STOX1: variants seen among roughly 807,000 people sequenced by gnomAD.
The protein encoded by STOX1 is storkhead box 1.
In STOX1, 57 loss-of-function variants were observed where a neutral mutation model predicts 74.8. The observed-to-expected ratio is 0.76, with a 90% CI of 0.62 to 0.95. The LOEUF is 0.95. Ranked by LOEUF, STOX1 falls within the 40% of genes least tolerant of loss-of-function variation. The pLI is 0.00. For missense variants in STOX1, 1,010 were observed against 1,117.0 expected (o/e 0.90, Z 1.37); for synonymous variants, 375 against 401.3 (o/e 0.93, Z 0.78).
At chr10:68,889,582 G>A (rs1165602534) in intron 3 of STOX1, among the ~76,000 whole-genome samples, 2 of 152,074 alleles carry the variant, frequency 1.3e-5, no homozygotes, top group Admixed American at 1.3e-4. Context: ...TTTGTTTTTT[G>A]AGATGTAGTC....
intron 1 of STOX1, among the ~76,000 whole-genome samples, chr10:68,845,769 T>C (rs1839827348): frequency 6.6e-6 from 1 of 151,362 alleles, no homozygotes; most frequent in South Asian, 2.1e-4. Context: ...GCCTGGCTAA[T>C]TTTTGTATTT....
At chr10:68,834,947 C>T (rs894297071) in intron 1 of STOX1, among the ~76,000 whole-genome samples, 6 of 152,054 alleles carry the variant, frequency 3.9e-5, no homozygotes, top group East Asian at 3.8e-4. Flanking sequence ...TGGTCTCAGA[C>T]TCAAAACCTG....
intron 1 of STOX1, among the ~76,000 whole-genome samples, chr10:68,875,237 G>A (rs544183037): frequency 6.6e-6 from 1 of 152,324 alleles, no homozygotes; most frequent in African/African-American, 2.4e-5. Flanking sequence ...TCACTGGGTA[G>A]GCCCATGTGC....
rs192252945 is a variant in STOX1 at position 68,856,939 on chromosome 10, G to A, written c.311-25019G>A. On this transcript the variant is annotated intron_variant, in intron 1 of 3. Coordinates refer to ENST00000298596, the MANE Select transcript of STOX1 (RefSeq NM_152709.5). ...ATTTTCCAGTCCTTTCAGTAGGTCT[G>A]TGCTGGTTCCCATAGATATTGCTCC... 1.1e-4 allele frequency among the ~76,000 whole-genome samples: 17 copies of A among 152,224 alleles called. No individual in the cohort carries two copies. In the East Asian group the frequency reaches 2.9e-3, roughly 26 times the overall value.
downstream of STOX1, chr10:68,893,154 G>A (rs1841135816): frequency 5.2e-6 from 1 of 190,522 alleles, no homozygotes; most frequent in African/African-American, 2.4e-5. Flanking sequence ...AGAAAACAGT[G>A]TGTGTTGAAG....
At chr10:68,891,830 T>TG (rs938327899) in intron 3 of STOX1, among the ~76,000 whole-genome samples, 12 of 151,580 alleles carry the variant, frequency 7.9e-5, no homozygotes, top group Admixed American at 5.2e-4. Flanking sequence ...AATACTTTTT[T>TG]TGTGTGTGTG....
chr10:68,841,910 C>T (rs1839700510), intron 1 of STOX1, among the ~76,000 whole-genome samples: 1 of 152,136 alleles, frequency 6.6e-6, no homozygotes, highest in Non-Finnish European at 1.5e-5. Context: ...TCCCATGAGC[C>T]CAGGGCCCAC....
At chr10:68,890,916 T>G (rs184587848) in intron 3 of STOX1, among the ~76,000 whole-genome samples, 132 of 152,282 alleles carry the variant, frequency 8.7e-4, no homozygotes, top group African/African-American at 2.8e-3. Flanking sequence ...CCTCCCAAAG[T>G]GCTGGGATTA....
intron 3 of STOX1, among the ~76,000 whole-genome samples, chr10:68,887,612 T>G (rs1292443233): frequency 1.8e-4 from 27 of 148,720 alleles, no homozygotes; most frequent in Non-Finnish European, 3.7e-4. Context: ...TTTTTTTTTT[T>G]TGAGGCAGAG....
intron 1 of STOX1, among the ~76,000 whole-genome samples, chr10:68,838,802 C>T (rs562007879): frequency 2.0e-5 from 3 of 151,606 alleles, no homozygotes; most frequent in South Asian, 2.1e-4. Context: ...CCTAGCTACT[C>T]GGGAGGCTGA....
chr10:68,848,422 ACTGCTTG>A (rs1839905212), intron 1 of STOX1, among the ~76,000 whole-genome samples: 2 of 152,084 alleles, frequency 1.3e-5, no homozygotes, highest in African/African-American at 4.8e-5. Flanking sequence ...TTTCCATGCT[ACTGCTTG>A]GAGCTGCAAT....
Position 68,892,773 on chromosome 10 carries a change from G to A in STOX1, c.*37G>A, listed in dbSNP as rs750691764. On this transcript the variant is annotated 3_prime_UTR_variant, in exon 4 of 4. Transcript: ENST00000298596. ...AAACCTACTTTTTTCTTTATAAAAA[G>A]GTAGAGCATTATTACAGAATCTTTC... 3.8e-6 allele frequency: 6 copies of A among 1,595,364 alleles called. No individual in the cohort carries two copies. The African/African-American group carries it at 4.0e-5, about 11-fold the overall frequency.
chr10:68,892,335 A>G (rs1397188218), intron 3 of STOX1, among the ~76,000 whole-genome samples: 1 of 151,962 alleles, frequency 6.6e-6, no homozygotes, highest in African/African-American at 2.4e-5. Context: ...CATACTTGAT[A>G]CTAGATCTGA....
intron 1 of STOX1, among the ~76,000 whole-genome samples, chr10:68,846,119 T>TTTATTA (rs201726154): frequency 0.2 from 26,524 of 135,370 alleles, 2,542 homozygotes; most frequent in African/African-American, 0.21. Context: ...GCTTGAGGTT[T>TTTATTA]TTATTATTAT....
chr10:68,841,888 C>G (rs1839699947), intron 1 of STOX1, among the ~76,000 whole-genome samples: 1 of 152,134 alleles, frequency 6.6e-6, no homozygotes, highest in Non-Finnish European at 1.5e-5. Flanking sequence ...GTGGAAGGAG[C>G]TGATCATCTT....
At chr10:68,871,904 ATTAATT>A (rs1361835046) in intron 1 of STOX1, among the ~76,000 whole-genome samples, 1 of 152,228 alleles carries the variant, frequency 6.6e-6, no homozygotes, top group Non-Finnish European at 1.5e-5. Flanking sequence ...AAAGTTCAGG[ATTAATT>A]TTAATGTTAA....
chr10:68,878,446 C>G (rs761964216), intron 1 of STOX1, among the ~76,000 whole-genome samples: 1 of 152,154 alleles, frequency 6.6e-6, no homozygotes, highest in Non-Finnish European at 1.5e-5. Context: ...TCTATCGCCA[C>G]TCTTTGAAAT....
At chr10:68,853,672 AT>A (rs974823090) in intron 1 of STOX1, among the ~76,000 whole-genome samples, 9 of 147,484 alleles carry the variant, frequency 6.1e-5, no homozygotes, top group East Asian at 3.9e-4. Flanking sequence ...CTTACCTTTC[AT>A]TTTTTTTTTG....
In STOX1 at chr10:68,884,889, A is replaced by T; in HGVS notation, c.1093A>T (p.Ile365Phe). 6.2e-7 allele frequency: 1 copy of T among 1,614,070 alleles called. No homozygotes were observed. Among genetic ancestry groups the T allele is most frequent in the South Asian group, 1.1e-5 (1 of 91,074 alleles). The change falls in exon 3 of 4, where the codon ATT becomes TTT. Residue 365 changes from isoleucine to phenylalanine, a missense_variant. Transcript: ENST00000298596. ...RDVEHEIIKR[I>F]NPILTVDNLI... ...TGTTGAACATGAGATAATCAAACGA[A>T]TTAACCCCATTTTGACTGTTGACAA...
Sources: gnomAD v4.1 joint callset for allele counts (sites outside exome capture counted in the v4.1 genomes callset) on GRCh38, gnomAD v4.1.1 for gene constraint, MANE v1.5 for transcripts, NCBI Gene and HGNC (gene_info 2026-07-23, HGNC 2026-07-21) for gene names.